Variants in ZNF541 observed in about 807,000 individuals in gnomAD.
The protein encoded by ZNF541 is zinc finger protein 541.
ZNF541 carries 23 observed loss-of-function variants against 123.5 expected under a neutral mutation model. That is an observed-to-expected ratio of 0.19 (90% confidence interval 0.13 to 0.26). The LOEUF (loss-of-function observed/expected upper bound fraction) is 0.26, where lower values mean the gene tolerates loss of function less well. ZNF541 is among the 10% of genes least tolerant of loss of function. The probability of loss-of-function intolerance (pLI) is 1.00; values close to 1 mark genes in which losing one functional copy is unlikely to be tolerated. For synonymous variants in ZNF541, 751 were observed against 754.5 expected, an observed-to-expected ratio of 1.00 and a Z score of 0.08; for missense variants, 1,612 against 1,789.9, an observed-to-expected ratio of 0.90 and a Z score of 1.79.
At chr19:47,524,950 A>G (rs749375579) in intron 14 of ZNF541, among the ~76,000 whole-genome samples, 8 of 152,140 alleles carry the variant, frequency 5.3e-5, no homozygotes, top group Non-Finnish European at 8.8e-5. Context: ...ATAGAGACAC[A>G]GCCCCTGTTC....
At chr19:47,572,206 G>A (rs1419295719) in intron 1 of ZNF541, among the ~76,000 whole-genome samples, 164 bp from the exon 2 acceptor site, 2 of 152,158 alleles carry the variant, frequency 1.3e-5, no homozygotes, top group Admixed American at 6.6e-5. Flanking sequence ...TTGGTAAGAA[G>A]AAATAATTGT....
chr19:47,570,538 A>G (rs1461452595), intron 2 of ZNF541, among the ~76,000 whole-genome samples: 2 of 144,010 alleles, frequency 1.4e-5, no homozygotes, highest in South Asian at 2.3e-4. Context: ...GATAGTGCCA[A>G]TGCACTCCAG....
At position 47,544,416 on chromosome 19, in the gene ZNF541, C is replaced by A; in HGVS notation, c.2113G>T (p.Gly705Trp). The change falls in exon 5 of 17, where the codon GGG (glycine) becomes TGG (tryptophan). Residue 705 changes from glycine (G) to tryptophan (W), a missense_variant. By Grantham distance (184) the Gly-to-Trp change is radical. Around this residue, in one of 5 missense-constraint regions of ZNF541, gnomAD observed 1,080 missense variants for 1,013.8 expected, o/e 1.07. Coordinates refer to ENST00000391901, the MANE Select transcript of ZNF541 (RefSeq NM_001277075.3). ...STGQRQTQLG[G>W]EEPPGASLPG... ...AGCGAGGCTCCTGGTGGCTCCTCCC[C>A]ACCTAACTGGGTCTGCCGTTGGCCT... The A allele has an allele frequency of 1.3e-6, 2 of 1,551,590 alleles. No individual in the cohort carries two copies. The highest frequency in any genetic ancestry group is 1.7e-6 in the Non-Finnish European group (2 of 1,147,004).
At chr19:47,530,970 C>T (rs977705401) in intron 12 of ZNF541, among the ~76,000 whole-genome samples, 2 of 152,132 alleles carry the variant, frequency 1.3e-5, no homozygotes, top group Admixed American at 6.5e-5. Flanking sequence ...AAGACAGAGA[C>T]AGCAGAGCAT....
intron 2 of ZNF541, among the ~76,000 whole-genome samples, chr19:47,567,068 T>TA (rs942679921): frequency 9.3e-5 from 14 of 151,248 alleles, no homozygotes; most frequent in Non-Finnish European, 1.8e-4. Context: ...AATAAATAAA[T>TA]AAATAAAATA....
At chr19:47,548,710 T>C (rs1443921483) in intron 4 of ZNF541, among the ~76,000 whole-genome samples, 2 of 152,148 alleles carry the variant, frequency 1.3e-5, no homozygotes, top group Admixed American at 1.3e-4. Context: ...AAGCAGGGGC[T>C]TCCTCACAGG....
intron 2 of ZNF541, among the ~76,000 whole-genome samples, chr19:47,564,757 T>C (rs977395051): frequency 2.6e-5 from 4 of 152,170 alleles, no homozygotes; most frequent in African/African-American, 7.2e-5. Context: ...TGGACATTCC[T>C]TAAAGAACAA....
intron 2 of ZNF541, among the ~76,000 whole-genome samples, chr19:47,557,058 T>C (rs542894737): frequency 6.6e-6 from 1 of 152,298 alleles, no homozygotes; most frequent in African/African-American, 2.4e-5. Context: ...GAGTCCAGCC[T>C]GGAATGGTAA....
chr19:47,561,409 G>T (rs544462160), intron 2 of ZNF541, among the ~76,000 whole-genome samples: 1 of 152,010 alleles, frequency 6.6e-6, no homozygotes, highest in Non-Finnish European at 1.5e-5. Context: ...CTGCACTCCA[G>T]CCTGGGCAAC....
chr19:47,530,648 C>CT (rs889229193), intron 12 of ZNF541, among the ~76,000 whole-genome samples: 10 of 151,208 alleles, frequency 6.6e-5, no homozygotes, highest in South Asian at 2.1e-4. Flanking sequence ...AATTTCTTTT[C>CT]TTTTTTTTTC....
intron 14 of ZNF541, among the ~76,000 whole-genome samples, chr19:47,527,999 C>CT (rs1022343366): frequency 0.018 from 2,174 of 118,168 alleles, 32 homozygotes; most frequent in African/African-American, 0.021. Flanking sequence ...ACGCCAGGCC[C>CT]TTTTTTTTTT....
chr19:47,548,069 A>T (rs1253514593), intron 4 of ZNF541, among the ~76,000 whole-genome samples: 1 of 150,738 alleles, frequency 6.6e-6, no homozygotes, highest in Non-Finnish European at 1.5e-5. Context: ...TTTGCTCCTG[A>T]CACTTTTTAA....
intron 2 of ZNF541, among the ~76,000 whole-genome samples, chr19:47,561,887 C>T (rs1330654613): frequency 6.6e-6 from 1 of 152,138 alleles, no homozygotes; most frequent in Non-Finnish European, 1.5e-5. Flanking sequence ...CAGAAACAAC[C>T]AAGCCTGAGG....
Position 47,529,669 on chromosome 19 carries a change from G to C in ZNF541, c.3406-17C>G, listed in dbSNP as rs188797291. On this transcript the variant is annotated splice_polypyrimidine_tract_variant and intron_variant, in intron 12 of 16. Transcript: ENST00000391901. ...CAGGGCGACCTGGAACAAGAGGAGC[G>C]ACAGGCTGCCCAGGACCAGGTGGGG... The C allele has an allele frequency of 6.4e-7, 1 of 1,550,896 alleles. No individual in the cohort carries two copies. Among genetic ancestry groups the C allele is most frequent in the Non-Finnish European group, 8.7e-7 (1 of 1,146,602 alleles).
At chr19:47,567,132 A>G (rs1356505300) in intron 2 of ZNF541, among the ~76,000 whole-genome samples, 1 of 152,184 alleles carries the variant, frequency 6.6e-6, no homozygotes. Flanking sequence ...ACTATCCAAA[A>G]GCACTTTCTG....
rs781770536 is a variant in ZNF541, at chr19:47,545,472, G to A, written c.1057C>T (p.Pro353Ser). Residue 353 changes from proline (P) to serine (S), a missense_variant, in exon 5 of 17, where the codon CCT (proline) becomes TCT (serine). Physicochemically the swap from Pro to Ser is moderately conservative, Grantham distance 74 (BLOSUM62 -1). Transcript: ENST00000391901. The surrounding 1 kb of genome is among the most constrained non-coding windows in gnomAD (Gnocchi z 7.5). ...KEPATDVFTA[P>S]NSRAAENGAP... The stretch of plus-strand genomic sequence containing the variant: ...CCGTTCTCGGCGGCCCTGGAATTAG[G>A]GGCTGTGAACACGTCAGTGGCCGGC... 132 of 1,482,514 alleles carry A rather than the reference G, an allele frequency of 8.9e-5. No individual in the cohort carries two copies. The highest frequency in any genetic ancestry group is 1.1e-4 in the Non-Finnish European group (127 of 1,113,930). The allele number at this position is 1,482,514 out of a possible 1,614,324, so 91.8% of individuals were successfully genotyped here. A position where few individuals can be genotyped will look rare whatever the true frequency, so the allele number is the denominator to read the frequency against.
At chr19:47,571,347 G>A (rs370169561) in intron 2 of ZNF541, among the ~76,000 whole-genome samples, 1 of 152,148 alleles carries the variant, frequency 6.6e-6, no homozygotes, top group Non-Finnish European at 1.5e-5. Flanking sequence ...CTCCTCAGCC[G>A]CCTCGGCCTC....
chr19:47,551,798 T>A (rs1468529177), intron 3 of ZNF541, among the ~76,000 whole-genome samples: 1 of 152,180 alleles, frequency 6.6e-6, no homozygotes, highest in Non-Finnish European at 1.5e-5. Flanking sequence ...CCTCCCAAAG[T>A]GCTGGGATTA....
Position 47,544,913 on chromosome 19 carries a change from C to G in ZNF541, c.1616G>C (p.Arg539Pro), listed in dbSNP as rs928893029. The stretch of plus-strand genomic sequence containing the variant: ...TTCCTGCGACTTGAGGAAGAGCTGG[C>G]GGAAGAGCGGCGAGGCATCCGCAGG... ...GLPADASPLF[R>P]QLFLKSQEPL... is the part of the protein sequence containing the mutation. The change falls in exon 5 of 17, where the codon CGC becomes CCC. Residue 539 changes from arginine to proline, a missense_variant. Physicochemically the swap from Arg to Pro is moderately radical, Grantham distance 103 (BLOSUM62 -2). This residue lies in a region of ZNF541 where 1,080 missense variants were observed against 1,013.8 expected (regional missense o/e 1.07). Coordinates refer to ENST00000391901, the MANE Select transcript of ZNF541 (RefSeq NM_001277075.3). The G allele has an allele frequency of 6.5e-7, 1 of 1,535,860 alleles. No homozygotes were observed. Among genetic ancestry groups the G allele is most frequent in the South Asian group, 1.2e-5 (1 of 84,068 alleles).
Sources: allele counts gnomAD v4.1 joint callset (sites outside exome capture counted in the v4.1 genomes callset), GRCh38; gene constraint gnomAD v4.1.1; regional missense constraint gnomAD v4.1.1; non-coding constraint Gnocchi (gnomAD v3.1); transcripts MANE v1.5; gene names NCBI Gene and HGNC (gene_info 2026-07-23, HGNC 2026-07-21).